The following BICDL1 variants were observed in gnomAD, a reference collection of about 807,000 sequenced individuals.
BICDL1 encodes the protein BICD family-like cargo adapter 1.
In BICDL1, 20 loss-of-function variants were observed where a neutral mutation model predicts 76.8. The observed-to-expected ratio is 0.26, with a 90% confidence interval of 0.18 to 0.38. BICDL1 has a LOEUF of 0.38. Ranked by LOEUF, BICDL1 falls within the 10% of genes least tolerant of loss-of-function variation. The probability of loss-of-function intolerance (pLI) is 1.00; values close to 1 mark genes in which losing one functional copy is unlikely to be tolerated. For synonymous variants in BICDL1, 383 were observed against 337.1 expected (o/e 1.14, Z -1.49); for missense variants, 700 against 798.6 (o/e 0.88, Z 1.49).
intron 2 of BICDL1, among the ~76,000 whole-genome samples, chr12:120,015,093 C>G (rs181591087): frequency 3.9e-5 from 6 of 152,238 alleles, no homozygotes; most frequent in African/African-American, 2.4e-5. Flanking sequence ...GATCTTCCCT[C>G]CCTTGCCCCA....
intron 2 of BICDL1, among the ~76,000 whole-genome samples, chr12:120,020,131 T>G (rs1408199655): frequency 2.0e-5 from 3 of 152,192 alleles, no homozygotes; most frequent in Non-Finnish European, 4.4e-5. Context: ...TAACCAGGGC[T>G]CTCTGGAGAA....
intron 1 of BICDL1, among the ~76,000 whole-genome samples, chr12:119,996,227 G>A (rs1417508095): frequency 6.6e-6 from 1 of 152,170 alleles, no homozygotes; most frequent in Non-Finnish European, 1.5e-5. Flanking sequence ...GCCTTTGCCA[G>A]TGTGCTCAGA....
At chr12:119,996,880 A>T (rs1468957733) in intron 1 of BICDL1, among the ~76,000 whole-genome samples, 1 of 152,164 alleles carries the variant, frequency 6.6e-6, no homozygotes, top group Admixed American at 6.5e-5. Flanking sequence ...GCTGTTGTAC[A>T]TACTGTGCTT....
intron 2 of BICDL1, among the ~76,000 whole-genome samples, chr12:120,060,292 T>C (rs912631396): frequency 6.6e-6 from 1 of 152,196 alleles, no homozygotes; most frequent in African/African-American, 2.4e-5. Flanking sequence ...AGAAATAATA[T>C]AGGGAAAATA....
At chr12:120,090,158 G>A (rs1874840262) in intron 9 of BICDL1, 87 bp downstream of exon 9, 2 of 1,512,084 alleles carry the variant, frequency 1.3e-6, no homozygotes, top group South Asian at 2.5e-5. Flanking sequence ...GTTTGCCACT[G>A]GAGGGTTCCA....
intron 2 of BICDL1, chr12:119,999,940 GA>G: frequency 3.7e-6 from 1 of 270,222 alleles, no homozygotes; most frequent in Non-Finnish European, 7.4e-6. Flanking sequence ...TGGTCTTAGG[GA>G]AAAGTGTAAA....
chr12:120,026,354 A>G (rs1032591470), intron 2 of BICDL1, among the ~76,000 whole-genome samples: 6 of 152,196 alleles, frequency 3.9e-5, no homozygotes, highest in African/African-American at 1.2e-4. Flanking sequence ...TAGGTGAGGG[A>G]CAGATGGTCA....
chr12:120,016,992 A>T (rs1305741583), intron 2 of BICDL1, among the ~76,000 whole-genome samples: 3 of 152,096 alleles, frequency 2.0e-5, no homozygotes, highest in Non-Finnish European at 4.4e-5. Context: ...TCCCGGGTTC[A>T]TGCCATTCTC....
chr12:120,090,524 C>G (rs1162738822), intron 9 of BICDL1, among the ~76,000 whole-genome samples: 1 of 152,194 alleles, frequency 6.6e-6, no homozygotes, highest in Admixed American at 6.5e-5. Flanking sequence ...CTGGCACAGG[C>G]CCTGGGGAAG....
At chr12:120,077,435 A>G (rs949571601) in intron 7 of BICDL1, among the ~76,000 whole-genome samples, 7 of 152,012 alleles carry the variant, frequency 4.6e-5, no homozygotes, top group African/African-American at 1.7e-4. Flanking sequence ...GCTAGGATGC[A>G]GGGGGGTCTT....
At chr12:120,056,480 G>A (rs1054927972) in intron 2 of BICDL1, among the ~76,000 whole-genome samples, 3 of 152,166 alleles carry the variant, frequency 2.0e-5, no homozygotes, top group Non-Finnish European at 1.5e-5. Flanking sequence ...TAGCACTTTG[G>A]GAGGCCAAGG....
intron 6 of BICDL1, among the ~76,000 whole-genome samples, chr12:120,072,980 C>T (rs1185360624): frequency 6.6e-6 from 1 of 152,206 alleles, no homozygotes; most frequent in East Asian, 1.9e-4. Flanking sequence ...AAGTGATTCT[C>T]GTGCCTCAGC....
chr12:120,076,385 T>C (rs1204158458), intron 7 of BICDL1, among the ~76,000 whole-genome samples: 1 of 152,220 alleles, frequency 6.6e-6, no homozygotes, highest in African/African-American at 2.4e-5. Flanking sequence ...TATTTAAATT[T>C]CCATAGGGTG....
intron 2 of BICDL1, among the ~76,000 whole-genome samples, chr12:120,013,313 CAA>C (rs202156339): frequency 5.8e-4 from 75 of 128,256 alleles, no homozygotes; most frequent in African/African-American, 1.6e-3. Context: ...GACTCCATCT[CAA>C]AAAAAAAAAA....
chr12:119,996,699 C>T (rs1159439656), intron 1 of BICDL1, among the ~76,000 whole-genome samples: 1 of 152,062 alleles, frequency 6.6e-6, no homozygotes, highest in Non-Finnish European at 1.5e-5. Context: ...CACACACACA[C>T]ACACGCATAG....
chr12:120,015,529 C>T (rs1952043764), intron 2 of BICDL1, among the ~76,000 whole-genome samples: 1 of 152,170 alleles, frequency 6.6e-6, no homozygotes, highest in African/African-American at 2.4e-5. Flanking sequence ...TTTCTTTTGT[C>T]ATTTACATTC....
intron 4 of BICDL1, 108 bp downstream of exon 4, chr12:120,064,987 G>A (rs1373579281): frequency 1.5e-6 from 2 of 1,303,292 alleles, no homozygotes; most frequent in African/African-American, 3.0e-5. Context: ...TAAGCTGGGA[G>A]TGGATGATGC....
Position 120,056,653 on chromosome 12 carries a change from G to A in BICDL1, c.646-5057G>A, listed in dbSNP as rs373556847. ...AATTGCTTGAACCTGGGAGGCAGAG[G>A]TTGCAGTTAGCCGAGATCGCGCTAC... On this transcript the variant is annotated intron_variant, in intron 2 of 9. Transcript: ENST00000548673. Among the ~76,000 whole-genome samples the A allele has an allele frequency of 1.1e-4, 16 of 152,154 alleles. No homozygotes were observed. The East Asian group carries it at 2.5e-3, about 24-fold the overall frequency.
intron 7 of BICDL1, chr12:120,080,554 G>A (rs1017451917): frequency 4.5e-6 from 1 of 220,922 alleles, no homozygotes; most frequent in African/African-American, 2.2e-5. Context: ...ATGACTTATG[G>A]TCTTCATTCA....
Sources: allele counts gnomAD v4.1 joint callset (sites outside exome capture counted in the v4.1 genomes callset), GRCh38; gene constraint gnomAD v4.1.1; transcripts MANE v1.5; gene names NCBI Gene and HGNC (gene_info 2026-07-23, HGNC 2026-07-21).